TENM2: variants seen among roughly 807,000 people sequenced by gnomAD.
TENM2 encodes the protein teneurin-2.
TENM2 carries 52 observed loss-of-function variants against 245.2 expected under a neutral mutation model. That is an observed-to-expected ratio of 0.21 (90% CI 0.17 to 0.27). TENM2 has a LOEUF of 0.27. Ranked by LOEUF, TENM2 falls within the 10% of genes least tolerant of loss-of-function variation. TENM2 has a pLI of 1.00. For missense variants in TENM2, 3,046 were observed against 3,666.8 expected (o/e 0.83, Z 4.37); for synonymous variants, 1,363 against 1,438.9 (o/e 0.95, Z 1.19).
intron 2 of TENM2, among the ~76,000 whole-genome samples, chr5:167,821,920 T>C (rs866474703): frequency 2.0e-5 from 3 of 152,218 alleles, no homozygotes; most frequent in South Asian, 2.1e-4. Context: ...TTCTCTCTGC[T>C]TGGACAAATG....
intron 2 of TENM2, among the ~76,000 whole-genome samples, chr5:167,626,821 C>T (rs1561614476): frequency 6.6e-6 from 1 of 152,172 alleles, no homozygotes; most frequent in African/African-American, 2.4e-5. Context: ...CCCACACCAG[C>T]CCCAACTGAC....
intron 2 of TENM2, among the ~76,000 whole-genome samples, chr5:167,742,369 A>G (rs1284450365): frequency 1.1e-5 from 1 of 95,012 alleles, no homozygotes; most frequent in Admixed American, 1.3e-4. Context: ...TAGATAAATT[A>G]AAAAAAAAAA....
chr5:167,383,057 A>G (rs1761187222), intron 2 of TENM2, among the ~76,000 whole-genome samples: 1 of 152,080 alleles, frequency 6.6e-6, no homozygotes, highest in Admixed American at 6.6e-5. Flanking sequence ...AGTAATTGCT[A>G]ATTGCTCTGC....
At chr5:167,657,445 C>T (rs568062221) in intron 2 of TENM2, among the ~76,000 whole-genome samples, 1 of 152,144 alleles carries the variant, frequency 6.6e-6, no homozygotes, top group Non-Finnish European at 1.5e-5. Context: ...AATAAGCATT[C>T]GGGGTTCAAA....
At chr5:167,111,464 G>A in the TENM2 span, among the ~76,000 whole-genome samples, 6 of 152,066 alleles carry the variant, frequency 3.9e-5, no homozygotes, top group Non-Finnish European at 5.9e-5. Flanking sequence ...TAAATCCAAA[G>A]GTCTGTATTA....
At chr5:167,617,662 T>C (rs186251192) in intron 2 of TENM2, among the ~76,000 whole-genome samples, 2,236 of 152,248 alleles carry the variant, frequency 0.015, 42 homozygotes, top group East Asian at 0.098. Context: ...TAATATCCCC[T>C]AGTAGAGGCT....
chr5:167,468,224 A>T (rs1766796387), intron 2 of TENM2, among the ~76,000 whole-genome samples: 1 of 152,226 alleles, frequency 6.6e-6, no homozygotes, highest in South Asian at 2.1e-4. Context: ...GGCGTGAGCC[A>T]CCACGCCCAT....
intron 4 of TENM2, among the ~76,000 whole-genome samples, chr5:167,972,084 A>G (rs1329239963): frequency 6.6e-6 from 1 of 152,254 alleles, no homozygotes; most frequent in East Asian, 1.9e-4. Flanking sequence ...AAGGCAAAGA[A>G]TTAGAGCACA....
At chr5:166,999,422 T>C in the TENM2 span, among the ~76,000 whole-genome samples, 1 of 152,128 alleles carries the variant, frequency 6.6e-6, no homozygotes, top group Non-Finnish European at 1.5e-5. Context: ...TGGGGATGCA[T>C]AGAAGGCAGA....
intron 1 of TENM2, among the ~76,000 whole-genome samples, chr5:167,307,043 TTGAC>T (rs769474352): frequency 3.9e-5 from 6 of 152,172 alleles, no homozygotes; most frequent in South Asian, 2.1e-4. Context: ...AGAAAGTCTG[TTGAC>T]TGACTATGTG....
At chr5:167,649,868 G>C (rs534363780) in intron 2 of TENM2, among the ~76,000 whole-genome samples, 1 of 152,092 alleles carries the variant, frequency 6.6e-6, no homozygotes, top group Non-Finnish European at 1.5e-5. Context: ...GTATTTCAAA[G>C]ATAAAATATG....
intron 2 of TENM2, among the ~76,000 whole-genome samples, chr5:167,656,407 G>A (rs1430717169): frequency 6.6e-6 from 1 of 152,110 alleles, no homozygotes; most frequent in Non-Finnish European, 1.5e-5. Flanking sequence ...AACAATCGTG[G>A]CATGTTTGAG....
At chr5:167,418,921 G>A (rs184806813) in intron 2 of TENM2, among the ~76,000 whole-genome samples, 21 of 151,974 alleles carry the variant, frequency 1.4e-4, no homozygotes, top group South Asian at 8.3e-4. Context: ...TGCCTGTGTC[G>A]CTTAAAAAAT....
At chr5:167,123,621 A>G in the TENM2 span, among the ~76,000 whole-genome samples, 1 of 152,160 alleles carries the variant, frequency 6.6e-6, no homozygotes, top group Non-Finnish European at 1.5e-5. Flanking sequence ...GTTTAGGAAA[A>G]CCCACTCTAA....
chr5:167,442,744 T>C (rs1006369784), intron 2 of TENM2, among the ~76,000 whole-genome samples: 2 of 152,194 alleles, frequency 1.3e-5, no homozygotes, highest in African/African-American at 4.8e-5. Context: ...TTTTCAGAAA[T>C]AGCATTGTTT....
chr5:167,288,383 C>G (rs563470649), intron 1 of TENM2, among the ~76,000 whole-genome samples: 1 of 151,874 alleles, frequency 6.6e-6, no homozygotes, highest in African/African-American at 2.4e-5. Context: ...CACGGTGAAA[C>G]GCTATCTCTA....
chr5:167,431,952 T>TATATACACACATATATATAC (rs1764261957), intron 2 of TENM2, among the ~76,000 whole-genome samples: 39 of 66,888 alleles, frequency 5.8e-4, no homozygotes, highest in Non-Finnish European at 9.2e-4. Flanking sequence ...TATATATGTA[T>TATATACACACATATATATAC]ATATATATGT....
At chr5:167,190,211 G>T in the TENM2 span, among the ~76,000 whole-genome samples, 13 of 152,020 alleles carry the variant, frequency 8.6e-5, no homozygotes, top group African/African-American at 3.1e-4. Context: ...CATAATAATG[G>T]TTTCCCCAGT....
intron 5 of TENM2, among the ~76,000 whole-genome samples, chr5:168,034,461 G>T (rs967655734): frequency 2.6e-5 from 4 of 151,926 alleles, no homozygotes; most frequent in Admixed American, 6.6e-5. Context: ...GCCAAGCGTG[G>T]TGGCTCATAC....
Sources: gnomAD v4.1 joint callset for allele counts (sites outside exome capture counted in the v4.1 genomes callset) on GRCh38, gnomAD v4.1.1 for gene constraint, MANE v1.5 for transcripts, NCBI Gene and HGNC (gene_info 2026-07-23, HGNC 2026-07-21) for gene names.